RPS24: variants seen among roughly 807,000 people sequenced by gnomAD.
The protein encoded by RPS24 is ribosomal protein S24.
For synonymous variants in RPS24, 72 were observed against 55.6 expected (o/e 1.30, Z -1.31); for missense variants, 100 against 162.5 (o/e 0.62, Z 2.09).
exon 5 of RPS24, chr10:78,056,273 G>A (rs1848148844): frequency 6.6e-6 from 1 of 152,256 alleles, no homozygotes; most frequent in South Asian, 2.1e-4. Context: ...GGCACTGCCA[G>A]TCGGTTTGGA....
intron 4 of RPS24, chr10:78,037,532 G>A (rs1847898738): frequency 3.4e-6 from 2 of 587,022 alleles, no homozygotes; most frequent in Non-Finnish European, 2.8e-6. Context: ...AGCACAATCT[G>A]GAGGCCACAT....
At chr10:78,055,291 C>T (rs548257521) in exon 5 of RPS24, 14 of 358,990 alleles carry the variant, frequency 3.9e-5, no homozygotes, top group Non-Finnish European at 6.4e-5. Context: ...AATTTTTCCT[C>T]GTCAGCAGTT....
At chr10:78,047,031 C>G (rs1226250156) in intron 4 of RPS24, among the ~76,000 whole-genome samples, 3 of 151,554 alleles carry the variant, frequency 2.0e-5, no homozygotes, top group African/African-American at 7.3e-5. Flanking sequence ...CGTGATCTTG[C>G]TTCACTGCAA....
intron 5 of RPS24, 82 bp downstream of exon 5, chr10:78,040,307 G>T: frequency 9.0e-7 from 1 of 1,106,370 alleles, no homozygotes. Context: ...AGCAGATCAT[G>T]TGTAGTACAT....
At chr10:78,046,420 G>A (rs1049404540) in intron 4 of RPS24, among the ~76,000 whole-genome samples, 2 of 143,204 alleles carry the variant, frequency 1.4e-5, no homozygotes, top group South Asian at 2.2e-4. Flanking sequence ...CACCAGTGGC[G>A]CAATCTCAGC....
downstream of RPS24, among the ~76,000 whole-genome samples, chr10:78,045,333 G>A (rs1848032346): frequency 6.6e-6 from 1 of 152,166 alleles, no homozygotes; most frequent in South Asian, 2.1e-4. Flanking sequence ...GGAATCAGGA[G>A]TCACAGTTCC....
At chr10:78,050,822 C>A (rs1848091916) in intron 4 of RPS24, among the ~76,000 whole-genome samples, 1 of 152,062 alleles carries the variant, frequency 6.6e-6, no homozygotes, top group Non-Finnish European at 1.5e-5. Context: ...AGAGTCTCTA[C>A]ATTATGTTGC....
intron 4 of RPS24, chr10:78,038,456 G>C (rs1847923572): frequency 6.6e-6 from 1 of 151,784 alleles, no homozygotes; most frequent in Non-Finnish European, 1.5e-5. Context: ...CAAAGCCTCT[G>C]TCCTGTTTGG....
At position 78,040,405 on chromosome 10, in the gene RPS24, A is replaced by C. The variant is rs1000885658; in HGVS notation, c.*19+180A>C. The C allele has an allele frequency of 7.0e-6, 5 of 714,454 alleles. No individual in the cohort carries two copies. The African/African-American group carries it at 7.2e-5, about 10-fold the overall frequency. 44.3% of individuals were successfully genotyped at this position (714,454 alleles called of 1,614,324 possible). A position where few individuals can be genotyped will look rare whatever the true frequency, so the allele number is the denominator to read the frequency against. ...GGTTTTGTTTTTAAGGTTTAGCAAT[A>C]TTTAGCCCATTATTTTTGTTTTATT... On this transcript the variant is annotated intron_variant, in intron 5 of 5. Transcript: ENST00000372360.
At chr10:78,047,909 C>A (rs918779983) in intron 4 of RPS24, among the ~76,000 whole-genome samples, 3 of 152,206 alleles carry the variant, frequency 2.0e-5, no homozygotes, top group Non-Finnish European at 1.5e-5. Flanking sequence ...GGGTCCAAGA[C>A]CTGTTTTCAA....
chr10:78,033,972 G>A lies in RPS24; in HGVS notation c.3+68G>A, dbSNP rs1373240109. On this transcript the variant is annotated intron_variant, in intron 1 of 5. Coordinates refer to ENST00000372360, the MANE Select transcript of RPS24 (RefSeq NM_033022.4). ...AGCCATCCGTGGTCCCTGGGTCCCAGTACTTGAGCTATAGGCACGCGAAGC... is the reference window on the plus strand; with the variant it reads ...AGCCATCCGTGGTCCCTGGGTCCCAATACTTGAGCTATAGGCACGCGAAGC... The A allele has an allele frequency of 4.4e-6, 7 of 1,596,258 alleles. No individual in the cohort carries two copies. The Admixed American group carries it at 1.2e-4, about 27-fold the overall frequency.
intron 4 of RPS24, chr10:78,039,520 C>T (rs1044813426): frequency 6.6e-6 from 1 of 152,584 alleles, no homozygotes; most frequent in Admixed American, 6.5e-5. Flanking sequence ...AATGCCATAG[C>T]AATATTGCTT....
At position 78,035,366 on chromosome 10, in the gene RPS24, T is replaced by C; in HGVS notation, c.18T>C (p.Thr6=). MNDTV[T]IRTRKFMTNR... ...TATGTTTTCAGAACGACACCGTAAC[T>C]ATCCGCACTAGAAAGTTCATGACCA... Residue 6 remains threonine (T), a synonymous_variant, in exon 2 of 6, where the codon ACT becomes ACC. Transcript: ENST00000372360. The C allele has an allele frequency of 6.2e-7, 1 of 1,614,186 alleles. No homozygotes were observed. Among genetic ancestry groups the C allele is most frequent in the South Asian group, 1.1e-5 (1 of 91,078 alleles).
In RPS24 at chr10:78,050,173, C is replaced by G. The variant is rs1848084936; in HGVS notation, c.391-4358C>G. On this transcript the variant is annotated intron_variant, in intron 4 of 4. Coordinates refer to the RPS24 transcript ENST00000440692. ...TGAGTCTATGCCTCTCTCTCTCTCT[C>G]TACAGGCTGGCTTTTCTTTGTTCCC... Among the ~76,000 whole-genome samples the G allele has an allele frequency of 2.8e-5, 4 of 141,980 alleles. No homozygotes were observed. The South Asian group carries it at 6.7e-4, about 24-fold the overall frequency. 93.1% of individuals were successfully genotyped at this position (141,980 alleles called of 152,430 possible).
chr10:78,051,722 C>G (rs1415499051), intron 4 of RPS24, among the ~76,000 whole-genome samples: 1 of 152,194 alleles, frequency 6.6e-6, no homozygotes, highest in Non-Finnish European at 1.5e-5. Flanking sequence ...CTTCCTGACA[C>G]TTGTTATTAT....
chr10:78,046,379 GCT>G (rs1848044068), intron 4 of RPS24, among the ~76,000 whole-genome samples: 1 of 125,132 alleles, frequency 8.0e-6, no homozygotes, highest in African/African-American at 3.5e-5. Context: ...AATGAGTCTC[GCT>G]CTGTCACCCA....
intron 4 of RPS24, chr10:78,037,976 C>G: frequency 8.0e-7 from 1 of 1,250,326 alleles, no homozygotes; most frequent in Non-Finnish European, 1.0e-6. Context: ...AATGAAGTGT[C>G]TAGCAGGTAC....
chr10:78,053,180 C>CA (rs1269949307), intron 4 of RPS24, among the ~76,000 whole-genome samples: 1 of 97,064 alleles, frequency 1.0e-5, no homozygotes, highest in Non-Finnish European at 2.3e-5. Flanking sequence ...ACAACAACAA[C>CA]AACAACAAAA....
chr10:78,037,127 C>G, intron 3 of RPS24, 67 bp from the exon 4 acceptor site: 1 of 1,550,242 alleles, frequency 6.5e-7, no homozygotes, highest in Non-Finnish European at 8.7e-7. Flanking sequence ...GTCAGTTTCC[C>G]TACCAGAGTG....
Sources: gnomAD v4.1 joint callset for allele counts (sites outside exome capture counted in the v4.1 genomes callset) on GRCh38, gnomAD v4.1.1 for gene constraint, MANE v1.5 for transcripts, NCBI Gene and HGNC (gene_info 2026-07-23, HGNC 2026-07-21) for gene names.